Variants in SERINC5 observed in about 807,000 individuals in gnomAD.
SERINC5 encodes the protein serine incorporator 5, also known as chromosome 5 open reading frame 12.
In SERINC5, 41 loss-of-function variants were observed where a neutral mutation model predicts 63.1. The observed-to-expected ratio is 0.65, with a 90% CI of 0.51 to 0.84. The LOEUF (loss-of-function observed/expected upper bound fraction) is 0.84. Ranked by LOEUF, SERINC5 falls within the 40% of genes least tolerant of loss-of-function variation. The probability of loss-of-function intolerance (pLI) is 0.00; values close to 1 mark genes in which losing one functional copy is unlikely to be tolerated. For missense variants in SERINC5, 523 were observed against 573.0 expected (o/e 0.91, Z 0.89); for synonymous variants, 222 against 215.2 (o/e 1.03, Z -0.28).
chr5:80,199,444 A>C (rs1749697606), intron 2 of SERINC5, among the ~76,000 whole-genome samples: 2 of 152,228 alleles, frequency 1.3e-5, no homozygotes. Context: ...CTATTGAAAT[A>C]GTTATTATTA....
At chr5:80,194,855 G>A (rs1278279499) in intron 2 of SERINC5, among the ~76,000 whole-genome samples, 1 of 152,182 alleles carries the variant, frequency 6.6e-6, no homozygotes, top group Admixed American at 6.6e-5. Flanking sequence ...CAGGCGACCA[G>A]CAGCCCTGGG....
intron 2 of SERINC5, among the ~76,000 whole-genome samples, chr5:80,197,598 A>G (rs1434401210): frequency 2.6e-5 from 4 of 152,242 alleles, no homozygotes; most frequent in Non-Finnish European, 5.9e-5. Flanking sequence ...TTGAGCTCTC[A>G]GGGGAGAAAG....
intron 11 of SERINC5, among the ~76,000 whole-genome samples, chr5:80,129,557 C>T (rs1744863603): frequency 6.6e-6 from 1 of 152,172 alleles, no homozygotes; most frequent in African/African-American, 2.4e-5. Flanking sequence ...GATCCTCCCA[C>T]CCCAGCCTCC....
At chr5:80,149,136 T>C (rs1305276948) in intron 9 of SERINC5, among the ~76,000 whole-genome samples, 2 of 152,200 alleles carry the variant, frequency 1.3e-5, no homozygotes, top group Non-Finnish European at 1.5e-5. Context: ...CATTTTCCCT[T>C]GGACTGAGAA....
At chr5:80,155,795 C>A (rs1348859465) in intron 8 of SERINC5, among the ~76,000 whole-genome samples, 3 of 151,886 alleles carry the variant, frequency 2.0e-5, no homozygotes, top group African/African-American at 7.3e-5. Flanking sequence ...ACAAGTGGAC[C>A]AAGGTTAGGG....
chr5:80,120,874 A>G lies in SERINC5; in HGVS notation c.1239-7249T>C, dbSNP rs143168260. Among the ~76,000 whole-genome samples the G allele has an allele frequency of 1.0e-3, 153 of 152,220 alleles. 1 individual carries two copies. Among genetic ancestry groups the G allele is most frequent in the African/African-American group, 3.6e-3 (148 of 41,530 alleles). ...ATACCTGAGACTTTAATTTATAAAG[A>G]AAGGAGTTTTGGAGGCTTTTTCTTT... On this transcript the variant is annotated intron_variant, in intron 11 of 12. Coordinates refer to the SERINC5 transcript ENST00000509193.
chr5:80,147,968 G>T (rs145319797), intron 9 of SERINC5, among the ~76,000 whole-genome samples: 6 of 152,096 alleles, frequency 3.9e-5, no homozygotes, highest in Admixed American at 6.6e-5. Context: ...TGGAACAGAC[G>T]AATGCAGGAT....
intron 8 of SERINC5, 145 bp from the exon 9 acceptor site, chr5:80,151,093 A>C (rs1323545176): frequency 4.5e-6 from 3 of 666,120 alleles, no homozygotes. Flanking sequence ...AATCTATTTT[A>C]ATACCTCTCC....
At chr5:80,198,170 A>T (rs1188194372) in intron 2 of SERINC5, among the ~76,000 whole-genome samples, 1 of 152,090 alleles carries the variant, frequency 6.6e-6, no homozygotes, top group Non-Finnish European at 1.5e-5. Context: ...CCAGGTATCA[A>T]ATCTCATGAG....
At chr5:80,239,397 C>T (rs1469422291) in intron 1 of SERINC5, among the ~76,000 whole-genome samples, 1 of 65,822 alleles carries the variant, frequency 1.5e-5, no homozygotes, top group Non-Finnish European at 2.9e-5. Context: ...TTTCTCATAC[C>T]CAGAGGCACA....
chr5:80,167,872 C>T (rs891937815), intron 6 of SERINC5, among the ~76,000 whole-genome samples: 7 of 152,200 alleles, frequency 4.6e-5, no homozygotes, highest in Non-Finnish European at 8.8e-5. Flanking sequence ...AGTTTTTACT[C>T]AGTCTTCCCT....
At position 80,230,445 on chromosome 5, in the gene SERINC5, C is replaced by CAAAAAA. The variant is rs72476401; in HGVS notation, c.27+25445_27+25450dup. On this transcript the variant is annotated intron_variant, in intron 1 of 11. Coordinates refer to ENST00000507668, the MANE Select transcript of SERINC5 (RefSeq NM_001174072.3). ...ACTGCATTCTAGAGCAAGACTGTCA[C>CAAAAAA]AAAAAAAAAAAAAAAAAGAAACCAT... 4.4e-4 allele frequency among the ~76,000 whole-genome samples: 41 copies of CAAAAAA among 93,152 alleles called. 3 individuals carry two copies. The highest frequency in any genetic ancestry group is 5.8e-4 in the East Asian group (2 of 3,434). The allele number at this position is 93,152 out of a possible 152,430, so 61.1% of individuals were successfully genotyped here. A position where few individuals can be genotyped will look rare whatever the true frequency, so the allele number is the denominator to read the frequency against.
intron 9 of SERINC5, among the ~76,000 whole-genome samples, chr5:80,149,928 C>T (rs1746060542): frequency 6.6e-6 from 1 of 152,174 alleles, no homozygotes; most frequent in African/African-American, 2.4e-5. Context: ...CCCAGAAAGA[C>T]TCTTGCACAA....
chr5:80,134,730 T>C (rs1745088046), downstream of SERINC5, among the ~76,000 whole-genome samples: 1 of 152,174 alleles, frequency 6.6e-6, no homozygotes, highest in African/African-American at 2.4e-5. Context: ...AGGCCCTTTG[T>C]TAAAATCCCA....
intron 1 of SERINC5, among the ~76,000 whole-genome samples, chr5:80,246,941 T>C (rs1206781680): frequency 2.0e-5 from 3 of 152,214 alleles, no homozygotes; most frequent in Admixed American, 2.0e-4. Context: ...GTAACTTGAT[T>C]GATACTGTTC....
chr5:80,129,654 A>G (rs1305074176), intron 11 of SERINC5, among the ~76,000 whole-genome samples: 1 of 152,206 alleles, frequency 6.6e-6, no homozygotes, highest in Non-Finnish European at 1.5e-5. Context: ...AACACATTCA[A>G]TAAGATATTT....
intron 1 of SERINC5, among the ~76,000 whole-genome samples, chr5:80,206,140 A>T (rs1755832385): frequency 6.6e-6 from 1 of 152,192 alleles, no homozygotes; most frequent in Non-Finnish European, 1.5e-5. Context: ...TAAACTGCAG[A>T]TTACAATAAA....
In SERINC5 at chr5:80,143,788, T is replaced by G. The variant is rs1042998698; in HGVS notation, c.1261A>C (p.Ser421Arg). Residue 421 changes from serine to arginine, a missense_variant, in exon 12 of 12, where the codon AGC becomes CGC. Transcript: ENST00000507668. Reference protein sequence around the residue: ...WFNYESANIESFFSGSWSIFW... With the variant: ...WFNYESANIERFFSGSWSIFW... Reference sequence around the variant, plus strand: ...ATGGACCAGCTCCCGCTGAAGAAGCTCTCGATGTTGGCACTTTCGTAGCTG... The same window carrying G: ...ATGGACCAGCTCCCGCTGAAGAAGCGCTCGATGTTGGCACTTTCGTAGCTG... 1 of 1,535,952 alleles carries G rather than the reference T, an allele frequency of 6.5e-7. No homozygotes were observed. The highest frequency in any genetic ancestry group is 1.4e-5 in the African/African-American group (1 of 73,034).
chr5:80,145,070 G>T (rs1476314337), intron 11 of SERINC5, among the ~76,000 whole-genome samples: 1 of 152,038 alleles, frequency 6.6e-6, no homozygotes, highest in Non-Finnish European at 1.5e-5. Flanking sequence ...GCTGGACATG[G>T]TGGATCATGC....
Sources: gnomAD v4.1 joint callset for allele counts (sites outside exome capture counted in the v4.1 genomes callset) on GRCh38, gnomAD v4.1.1 for gene constraint, MANE v1.5 for transcripts, NCBI Gene and HGNC (gene_info 2026-07-23, HGNC 2026-07-21) for gene names.